Variants in COPB1 observed in about 807,000 individuals in gnomAD.
COPB1 encodes the protein coat protein complex I subunit beta 1, also known as coatomer subunit beta.
Under a neutral mutation model 108.7 loss-of-function variants are expected in COPB1, and 21 were observed. The observed-to-expected ratio is 0.19, with a 90% CI of 0.14 to 0.28. The LOEUF is 0.28. Among genes scored for constraint, COPB1 ranks in the 10% least tolerant of loss-of-function variants. The probability of loss-of-function intolerance (pLI) is 1.00; values close to 1 mark genes in which losing one functional copy is unlikely to be tolerated. For missense variants in COPB1, 919 were observed against 1,141.3 expected (o/e 0.81, Z 2.81); for synonymous variants, 378 against 386.8 (o/e 0.98, Z 0.27).
intron 16 of COPB1, 77 bp from the exon 17 acceptor site, chr11:14,466,503 T>G: frequency 7.0e-7 from 1 of 1,432,858 alleles, no homozygotes; most frequent in Non-Finnish European, 9.5e-7. Flanking sequence ...AATGATTAAG[T>G]CTGGTAGGTT....
intron 2 of COPB1, among the ~76,000 whole-genome samples, chr11:14,495,116 T>C (rs559394223): frequency 1.3e-5 from 2 of 152,342 alleles, no homozygotes; most frequent in South Asian, 4.1e-4. Context: ...TACTGTTATT[T>C]AGCCTAAAAA....
chr11:14,494,801 T>C (rs2134129354), intron 2 of COPB1: 1 of 163,626 alleles, frequency 6.1e-6, no homozygotes, highest in East Asian at 1.7e-4. Flanking sequence ...ATACTATTAA[T>C]TGATTTTGAA....
chr11:14,482,372 T>TGA (rs1430730929), intron 8 of COPB1, among the ~76,000 whole-genome samples: 2 of 152,224 alleles, frequency 1.3e-5, no homozygotes, highest in East Asian at 3.8e-4. Context: ...AATATGGTGA[T>TGA]AATTTTCTAG....
chr11:14,480,609 T>A (rs1478015269), intron 10 of COPB1, 150 bp downstream of exon 10: 1 of 702,952 alleles, frequency 1.4e-6, no homozygotes, highest in African/African-American at 1.8e-5. Context: ...CCCTTCTGAG[T>A]TTAAAGGTAG....
At chr11:14,493,902 C>T (rs527524968) in intron 3 of COPB1, 91 bp from the exon 4 acceptor site, 41 of 1,172,036 alleles carry the variant, frequency 3.5e-5, no homozygotes, top group Middle Eastern at 2.8e-4. Flanking sequence ...AAAAAAAATA[C>T]GTTTGAGAAA....
intron 2 of COPB1, among the ~76,000 whole-genome samples, chr11:14,495,257 C>T (rs1850992418): frequency 6.6e-6 from 1 of 152,098 alleles, no homozygotes; most frequent in South Asian, 2.1e-4. Context: ...TGTAGTAGCA[C>T]ACTGTACTAC....
chr11:14,458,397 A>G (rs1850073452), intron 21 of COPB1, 135 bp downstream of exon 21: 9 of 844,326 alleles, frequency 1.1e-5, no homozygotes, highest in Admixed American at 9.2e-5. Context: ...TTATACTTCT[A>G]TTCAGAGTAT....
chr11:14,462,633 C>T (rs933299909), intron 18 of COPB1, among the ~76,000 whole-genome samples: 2 of 152,124 alleles, frequency 1.3e-5, no homozygotes, highest in African/African-American at 2.4e-5. Flanking sequence ...CATCTAAAAA[C>T]AACTCTCTCT....
chr11:14,459,775 C>T (rs544891178), intron 20 of COPB1, among the ~76,000 whole-genome samples: 1 of 152,180 alleles, frequency 6.6e-6, no homozygotes, highest in Admixed American at 6.5e-5. Flanking sequence ...TGCCACCACA[C>T]CTGGGTAATT....
chr11:14,465,176 T>A, intron 17 of COPB1, 146 bp from the exon 18 acceptor site: 1 of 1,146,180 alleles, frequency 8.7e-7, no homozygotes, highest in Non-Finnish European at 1.2e-6. Flanking sequence ...ATGACGAATA[T>A]GAGAAGAGTA....
chr11:14,490,490 A>G, intron 5 of COPB1, 75 bp downstream of exon 5: 1 of 784,968 alleles, frequency 1.3e-6, no homozygotes, highest in Non-Finnish European at 2.0e-6. Flanking sequence ...GACTAAAAAC[A>G]TGATTAAGTC....
intron 7 of COPB1, among the ~76,000 whole-genome samples, chr11:14,484,280 G>A (rs1162186920): frequency 6.6e-6 from 1 of 152,200 alleles, no homozygotes; most frequent in Admixed American, 6.5e-5. Flanking sequence ...AACAAAAAAA[G>A]GACGTCAGTG....
chr11:14,464,563 T>C (rs1850236711), intron 18 of COPB1, among the ~76,000 whole-genome samples: 1 of 152,190 alleles, frequency 6.6e-6, no homozygotes, highest in African/African-American at 2.4e-5. Flanking sequence ...TATCCTTTGA[T>C]AACACACCAT....
intron 18 of COPB1, among the ~76,000 whole-genome samples, chr11:14,463,940 T>C (rs1404800949): frequency 6.6e-6 from 1 of 152,208 alleles, no homozygotes; most frequent in Non-Finnish European, 1.5e-5. Context: ...CTCTACTAGT[T>C]AATCTTCCTG....
intron 7 of COPB1, among the ~76,000 whole-genome samples, chr11:14,484,451 G>A (rs907630219): frequency 1.3e-5 from 2 of 152,230 alleles, no homozygotes; most frequent in Non-Finnish European, 1.5e-5. Context: ...CGGGCATGGT[G>A]GCTCATGCCT....
chr11:14,463,778 T>C (rs116663488), intron 18 of COPB1, among the ~76,000 whole-genome samples: 130 of 152,292 alleles, frequency 8.5e-4, no homozygotes, highest in African/African-American at 2.8e-3. Flanking sequence ...GATGATGACA[T>C]AAACAACCCA....
intron 16 of COPB1, 91 bp from the exon 17 acceptor site, chr11:14,466,517 AAC>A (rs1463889627): frequency 1.5e-5 from 20 of 1,325,928 alleles, no homozygotes; most frequent in Non-Finnish European, 2.0e-5. Context: ...GTAGGTTATT[AAC>A]AGAGTTGCTT....
intron 8 of COPB1, among the ~76,000 whole-genome samples, chr11:14,482,694 C>T (rs1184990444): frequency 3.3e-5 from 5 of 152,092 alleles, no homozygotes; most frequent in Non-Finnish European, 7.3e-5. Context: ...TTCACCACAC[C>T]CAGCTAATTT....
chr11:14,468,539 G>A (rs779277046), intron 16 of COPB1, 142 bp downstream of exon 16: 1 of 709,430 alleles, frequency 1.4e-6, no homozygotes, highest in Non-Finnish European at 2.3e-6. Flanking sequence ...TACTTCATCA[G>A]CTTCTGAGTT....
Sources: gnomAD v4.1 joint callset for allele counts (sites outside exome capture counted in the v4.1 genomes callset) on GRCh38, gnomAD v4.1.1 for gene constraint, MANE v1.5 for transcripts, NCBI Gene and HGNC (gene_info 2026-07-23, HGNC 2026-07-21) for gene names.